EVI5: variants seen among roughly 807,000 people sequenced by gnomAD.
EVI5 encodes the protein ecotropic viral integration site 5.
In EVI5, 73 loss-of-function variants were observed where a neutral mutation model predicts 112.0. That is an observed-to-expected ratio of 0.65 (90% confidence interval 0.54 to 0.79). The LOEUF is 0.79. Ranked by LOEUF, EVI5 falls within the 30% of genes least tolerant of loss-of-function variation. The probability of loss-of-function intolerance (pLI) is 0.00; values close to 1 mark genes in which losing one functional copy is unlikely to be tolerated. For synonymous variants in EVI5, 305 were observed against 319.9 expected (o/e 0.95, Z 0.50); for missense variants, 900 against 968.8 (o/e 0.93, Z 0.94).
At chr1:92,678,729 T>C (rs1296419422) in intron 9 of EVI5, among the ~76,000 whole-genome samples, 2 of 152,006 alleles carry the variant, frequency 1.3e-5, no homozygotes, top group Non-Finnish European at 2.9e-5. Context: ...ACAAAAAATA[T>C]CAATACCAAG....
At chr1:92,775,850 T>C (rs2103069241) in intron 1 of EVI5, among the ~76,000 whole-genome samples, 2 of 152,300 alleles carry the variant, frequency 1.3e-5, no homozygotes, top group East Asian at 3.9e-4. Context: ...GGCTCACGCC[T>C]GTAATCCCAG....
At chr1:92,660,641 G>T (rs1021757134) in intron 13 of EVI5, among the ~76,000 whole-genome samples, 4 of 151,932 alleles carry the variant, frequency 2.6e-5, no homozygotes, top group African/African-American at 7.2e-5. Flanking sequence ...ACTCTGATTT[G>T]ATGTGTCAAT....
chr1:92,693,742 G>A (rs1027283599), intron 9 of EVI5, 60 bp downstream of exon 9: 4 of 865,380 alleles, frequency 4.6e-6, no homozygotes, highest in African/African-American at 3.3e-5. Flanking sequence ...GAGGAAAACT[G>A]TATCACTAGA....
At chr1:92,604,126 G>A (rs1649813807) in intron 18 of EVI5, among the ~76,000 whole-genome samples, 2 of 151,964 alleles carry the variant, frequency 1.3e-5, no homozygotes, top group African/African-American at 4.8e-5. Context: ...GAGGTGGGCG[G>A]ATCACTTAAG....
chr1:92,721,541 G>A (rs542407904), intron 2 of EVI5, among the ~76,000 whole-genome samples: 62 of 152,216 alleles, frequency 4.1e-4, no homozygotes, highest in African/African-American at 1.4e-3. Flanking sequence ...GTGGAGGGCT[G>A]GGGGAGGGAT....
chr1:92,522,631 C>CAAAAAAAAA (rs61277173), intron 19 of EVI5, among the ~76,000 whole-genome samples: 7 of 70,498 alleles, frequency 9.9e-5, no homozygotes, highest in East Asian at 5.0e-4. Flanking sequence ...ACTCCATCTC[C>CAAAAAAAAA]AAAAAAAAAA....
At chr1:92,730,501 C>A (rs1282940374) in intron 2 of EVI5, among the ~76,000 whole-genome samples, 2 of 151,630 alleles carry the variant, frequency 1.3e-5, no homozygotes, top group African/African-American at 4.8e-5. Context: ...CGAAGCAAGA[C>A]CCCGTCTCTA....
intron 1 of EVI5, among the ~76,000 whole-genome samples, chr1:92,741,503 A>G (rs1678397910): frequency 6.6e-6 from 1 of 152,232 alleles, no homozygotes; most frequent in South Asian, 2.1e-4. Context: ...GATAGTCAGG[A>G]TATTATTACA....
chr1:92,635,957 G>A lies in EVI5; in HGVS notation c.1527+245C>T, dbSNP rs560936808. ...TCTTTTTATGAAAATTATTCTGGTC[G>A]TTTTCCTCCAAAAGGGCTCTAATCT... is the stretch of plus-strand genomic sequence containing the variant. On this transcript the variant is annotated intron_variant, in intron 14 of 19. Coordinates refer to ENST00000684568, the MANE Select transcript of EVI5 (RefSeq NM_001350197.2). Among the ~76,000 whole-genome samples the A allele has an allele frequency of 5.3e-5, 8 of 152,178 alleles. No homozygotes were observed. In the South Asian group the frequency reaches 8.3e-4, roughly 16 times the overall value.
chr1:92,572,760 T>C (rs1405985246), intron 18 of EVI5, among the ~76,000 whole-genome samples: 2 of 152,082 alleles, frequency 1.3e-5, no homozygotes, highest in East Asian at 1.9e-4. Flanking sequence ...GGTGTTCAAA[T>C]AGTGTGACTC....
chr1:92,611,583 T>C (rs921432136), intron 16 of EVI5, among the ~76,000 whole-genome samples: 1 of 147,956 alleles, frequency 6.8e-6, no homozygotes, highest in Non-Finnish European at 1.5e-5. Flanking sequence ...GCGCCTGTAC[T>C]CCCAACTCGG....
rs1044518123 is a variant in EVI5, at chr1:92,772,968, G to A, written c.-82+11868C>T. Among the ~76,000 whole-genome samples, 5 of 150,326 alleles carry A rather than the reference G, an allele frequency of 3.3e-5. No homozygotes were observed. In the South Asian group the frequency reaches 8.4e-4, roughly 25 times the overall value. On this transcript the variant is annotated intron_variant, in intron 1 of 19. Transcript: ENST00000684568. ...CACACTTGTAATCCCAGCACTTTCA[G>A]AGCCCGAGGTGGGCAGATCACCTGA... is the stretch of plus-strand genomic sequence containing the variant.
chr1:92,708,802 C>G (rs915926163), intron 2 of EVI5, among the ~76,000 whole-genome samples: 4 of 152,088 alleles, frequency 2.6e-5, no homozygotes, highest in Non-Finnish European at 5.9e-5. Context: ...TTCTGATACA[C>G]ACTATGACAT....
intron 19 of EVI5, among the ~76,000 whole-genome samples, chr1:92,558,577 C>T (rs1469565182): frequency 1.3e-5 from 2 of 152,130 alleles, no homozygotes; most frequent in African/African-American, 4.8e-5. Context: ...TCCTTCTAAG[C>T]CATGTTTGAT....
chr1:92,770,619 A>T (rs1241907201), intron 1 of EVI5, among the ~76,000 whole-genome samples: 7 of 151,816 alleles, frequency 4.6e-5, no homozygotes, highest in Admixed American at 1.3e-4. Context: ...TGAAACCCTG[A>T]TTCTACTAAA....
chr1:92,552,705 G>A (rs1016638359), intron 19 of EVI5, among the ~76,000 whole-genome samples: 3 of 152,092 alleles, frequency 2.0e-5, no homozygotes, highest in East Asian at 1.9e-4. Context: ...CTGCGCACTC[G>A]AATTTTTTCC....
chr1:92,584,106 A>G (rs1672397233), intron 18 of EVI5, among the ~76,000 whole-genome samples: 1 of 152,198 alleles, frequency 6.6e-6, no homozygotes, highest in Admixed American at 6.5e-5. Context: ...TTTCATTTTA[A>G]GAATATTTTA....
Position 92,591,314 on chromosome 1 carries a change from C to A in EVI5, c.2070+13993G>T, listed in dbSNP as rs557112259. Among the ~76,000 whole-genome samples the A allele has an allele frequency of 6.6e-4, 101 of 152,286 alleles. 1 individual carries two copies. The South Asian group carries it at 7.3e-3, about 11-fold the overall frequency. On this transcript the variant is annotated intron_variant, in intron 18 of 19. Transcript: ENST00000684568. ...AAATGCTCCAATTAAAAGACACAGA[C>A]TGGCAAATTGGATAGAGTCAAGACC...
intron 19 of EVI5, among the ~76,000 whole-genome samples, chr1:92,546,315 C>T (rs1284136342): frequency 6.6e-6 from 1 of 152,156 alleles, no homozygotes; most frequent in South Asian, 2.1e-4. Flanking sequence ...CTGAAGTCCA[C>T]TGTTATAAAG....
Sources: gnomAD v4.1 joint callset for allele counts (sites outside exome capture counted in the v4.1 genomes callset) on GRCh38, gnomAD v4.1.1 for gene constraint, MANE v1.5 for transcripts, NCBI Gene and HGNC (gene_info 2026-07-23, HGNC 2026-07-21) for gene names.